Variants in NAV1 observed in about 807,000 individuals in gnomAD.
The protein encoded by NAV1 is pore membrane and/or filament interacting like protein 3.
A neutral mutation model predicts 175.2 loss-of-function variants in NAV1; 18 were observed. The ratio of observed to expected loss-of-function variants is 0.10; its 90% CI spans 0.07 to 0.15. The LOEUF (loss-of-function observed/expected upper bound fraction) is 0.15. Ranked by LOEUF, NAV1 falls within the 10% of genes least tolerant of loss-of-function variation. NAV1 has a pLI of 1.00. For missense variants in NAV1, 1,731 were observed against 2,436.6 expected, an observed-to-expected ratio of 0.71 and a Z score of 6.10; for synonymous variants, 897 against 978.7, an observed-to-expected ratio of 0.92 and a Z score of 1.56.
intron 1 of NAV1, among the ~76,000 whole-genome samples, chr1:201,670,049 A>C (rs1669975808): frequency 1.3e-5 from 2 of 152,090 alleles, no homozygotes; most frequent in African/African-American, 4.8e-5. Context: ...AAAGGAAATA[A>C]ATTTGATAAC....
intron 1 of NAV1, among the ~76,000 whole-genome samples, chr1:201,698,966 G>A (rs1172206773): frequency 6.6e-6 from 1 of 152,222 alleles, no homozygotes; most frequent in East Asian, 1.9e-4. Context: ...GGCCCGCTCT[G>A]TAAAATGAAC....
At chr1:201,638,896 C>A (rs1025847100) in intron 2 of NAV1, among the ~76,000 whole-genome samples, 3 of 152,192 alleles carry the variant, frequency 2.0e-5, no homozygotes, top group Non-Finnish European at 4.4e-5. Flanking sequence ...TACTAACTAA[C>A]CTATGTAGGG....
At chr1:201,791,861 G>A (rs1171553176) in intron 13 of NAV1, 1 of 152,154 alleles carries the variant, frequency 6.6e-6, no homozygotes, top group Non-Finnish European at 1.5e-5. Flanking sequence ...GGACCCATAA[G>A]AATTGTAACA....
chr1:201,660,326 GC>G (rs1232875278), intron 1 of NAV1, among the ~76,000 whole-genome samples: 3 of 152,122 alleles, frequency 2.0e-5, no homozygotes, highest in African/African-American at 7.2e-5. Flanking sequence ...CACTCTGCCT[GC>G]CCAGTGGGGT....
chr1:201,596,882 A>T (rs1293937716), intron 2 of NAV1, among the ~76,000 whole-genome samples: 1 of 151,964 alleles, frequency 6.6e-6, no homozygotes, highest in Non-Finnish European at 1.5e-5. Context: ...CTGGAGTGCA[A>T]TGGCGAAATC....
intron 1 of NAV1, among the ~76,000 whole-genome samples, chr1:201,565,306 G>A (rs1453219184): frequency 6.6e-6 from 1 of 152,244 alleles, no homozygotes; most frequent in Non-Finnish European, 1.5e-5. Flanking sequence ...GCTAGTTATT[G>A]ATGCCAATTT....
chr1:201,719,905 T>C (rs1192940468), intron 3 of NAV1, among the ~76,000 whole-genome samples: 1 of 152,154 alleles, frequency 6.6e-6, no homozygotes, highest in African/African-American at 2.4e-5. Context: ...GGCCATCCAC[T>C]GTTCCCCACC....
intron 3 of NAV1, among the ~76,000 whole-genome samples, chr1:201,763,634 G>A (rs140161741): frequency 9.2e-5 from 14 of 152,286 alleles, no homozygotes; most frequent in African/African-American, 2.2e-4. Context: ...GGAGACTCCC[G>A]TTAAACAGCT....
At chr1:201,771,376 T>G (rs1278479568) in intron 3 of NAV1, among the ~76,000 whole-genome samples, 1 of 150,602 alleles carries the variant, frequency 6.6e-6, no homozygotes, top group African/African-American at 2.5e-5. Flanking sequence ...CCGGGCATGG[T>G]GGCAGGCACC....
intron 3 of NAV1, among the ~76,000 whole-genome samples, chr1:201,744,079 T>G (rs1673606513): frequency 6.6e-6 from 1 of 152,142 alleles, no homozygotes; most frequent in Non-Finnish European, 1.5e-5. Context: ...AGATGGGGTA[T>G]CTCTATGTTG....
intron 1 of NAV1, among the ~76,000 whole-genome samples, chr1:201,581,368 G>A (rs1666853170): frequency 6.6e-6 from 1 of 152,176 alleles, no homozygotes; most frequent in African/African-American, 2.4e-5. Flanking sequence ...CTGAGAAAAT[G>A]AGCATCAGAT....
chr1:201,705,726 G>A (rs959694694), intron 1 of NAV1, among the ~76,000 whole-genome samples: 3 of 152,178 alleles, frequency 2.0e-5, no homozygotes, highest in African/African-American at 7.2e-5. Flanking sequence ...GGGCCTGCCA[G>A]CATCTGTTTT....
At chr1:201,560,419 C>T (rs1666164693) in intron 1 of NAV1, among the ~76,000 whole-genome samples, 1 of 152,202 alleles carries the variant, frequency 6.6e-6, no homozygotes, top group South Asian at 2.1e-4. Context: ...ATCCCTCCTG[C>T]CAGGCCAGAA....
At chr1:201,762,663 AT>A (rs1674937913) in intron 3 of NAV1, among the ~76,000 whole-genome samples, 5 of 152,266 alleles carry the variant, frequency 3.3e-5, no homozygotes, top group Non-Finnish European at 7.3e-5. Context: ...GCAAAGCCTC[AT>A]AAATATTTAC....
intron 1 of NAV1, among the ~76,000 whole-genome samples, chr1:201,565,746 C>T (rs1352585795): frequency 6.6e-6 from 1 of 152,040 alleles, no homozygotes; most frequent in African/African-American, 2.4e-5. Flanking sequence ...CCACCCCCTG[C>T]CTCTCTGGGG....
chr1:201,636,338 G>C lies in NAV1; in HGVS notation c.4+6831G>C, dbSNP rs149197130. Reference sequence around the variant, plus strand: ...TAAGAGGATTAGGGTCCCCTGGTGAGAGACTTCCCTCCCCACTATAAGGCT... The same window carrying C: ...TAAGAGGATTAGGGTCCCCTGGTGACAGACTTCCCTCCCCACTATAAGGCT... On this transcript the variant is annotated intron_variant, in intron 2 of 29. Coordinates refer to the NAV1 transcript ENST00000367302. Among the ~76,000 whole-genome samples, 404 of 152,316 alleles carry C rather than the reference G, an allele frequency of 2.7e-3. 1 individual carries two copies. The highest frequency in any genetic ancestry group is 7.0e-3 in the African/African-American group (289 of 41,564).
chr1:201,648,780 G>A, exon 1 of NAV1: 2 of 1,415,258 alleles, frequency 1.4e-6, no homozygotes, highest in Non-Finnish European at 9.2e-7. Flanking sequence ...GGCAGCGGCG[G>A]ACGGCAGAGG....
intron 3 of NAV1, among the ~76,000 whole-genome samples, chr1:201,729,891 G>T (rs239994): frequency 0.31 from 47,297 of 151,914 alleles, 8,109 homozygotes; most frequent in Non-Finnish European, 0.39. Context: ...GGGCGACAGA[G>T]CAAAACTGTC....
rs1160310653 is a variant in NAV1, at chr1:201,807,556, C to G, written c.3649-397C>G. Among the ~76,000 whole-genome samples, 1 of 152,222 alleles carries G rather than the reference C, an allele frequency of 6.6e-6. No individual in the cohort carries two copies. The highest frequency in any genetic ancestry group is 1.5e-5 in the Non-Finnish European group (1 of 68,024). The stretch of plus-strand genomic sequence containing the variant: ...CCATGTGACCTCTGGGACCTTCTCT[C>G]TGTCCCCATCAGGGGCACAATTCCC... On this transcript the variant is annotated intron_variant, in intron 17 of 29. Coordinates refer to ENST00000367296, the Ensembl canonical transcript of NAV1. This position sits in a 1 kb window ranked among gnomAD's most constrained non-coding sequence, Gnocchi z 5.4.
Sources: gnomAD v4.1 joint callset for allele counts (sites outside exome capture counted in the v4.1 genomes callset) on GRCh38, gnomAD v4.1.1 for gene constraint, Gnocchi (gnomAD v3.1) non-coding constraint, MANE v1.5 for transcripts, NCBI Gene and HGNC (gene_info 2026-07-23, HGNC 2026-07-21) for gene names.